The following MBD3L1 variants were observed in gnomAD, a reference collection of about 807,000 sequenced individuals.
The protein encoded by MBD3L1 is methyl-CpG binding domain protein 3 like 1.
For synonymous variants in MBD3L1, 84 were observed against 85.1 expected (o/e 0.99, Z 0.07); for missense variants, 203 against 230.1 (o/e 0.88, Z 0.76).
chr19:8,842,456 G>A (rs1292678255), intron 2 of MBD3L1: 1 of 525,872 alleles, frequency 1.9e-6, no homozygotes, highest in Non-Finnish European at 3.4e-6. Flanking sequence ...CAAGGAGGGG[G>A]TTTGCAGGAT....
At chr19:8,836,427 T>C (rs1158599096) in intron 1 of MBD3L1, among the ~76,000 whole-genome samples, 1 of 151,132 alleles carries the variant, frequency 6.6e-6, no homozygotes, top group Non-Finnish European at 1.5e-5. Context: ...TCTTTCTTCT[T>C]TCCTCCTCCT....
intron 2 of MBD3L1, among the ~76,000 whole-genome samples, chr19:8,841,281 C>T (rs1353562940): frequency 6.6e-6 from 1 of 151,790 alleles, no homozygotes; most frequent in Non-Finnish European, 1.5e-5. Context: ...ATCCACCCAC[C>T]TCGGCCTCCC....
At chr19:8,834,799 T>A (rs1381944996) in intron 1 of MBD3L1, among the ~76,000 whole-genome samples, 1 of 152,116 alleles carries the variant, frequency 6.6e-6, no homozygotes, top group Non-Finnish European at 1.5e-5. Context: ...TGTCAAACTT[T>A]GTGATCTTGG....
chr19:8,841,237 G>A (rs2044509655), intron 2 of MBD3L1, among the ~76,000 whole-genome samples: 1 of 147,682 alleles, frequency 6.8e-6, no homozygotes, highest in Non-Finnish European at 1.5e-5. Flanking sequence ...TCACCATGTT[G>A]GCCAGCCTGG....
rs542318207 is a variant in MBD3L1, at chr19:8,838,252, C to CAAAAAAAAAAAAA, written c.-106-2644_-106-2632dup. Among the ~76,000 whole-genome samples, 113 of 11,830 alleles carry CAAAAAAAAAAAAA rather than the reference C, an allele frequency of 9.6e-3. 44 individuals are homozygous for CAAAAAAAAAAAAA. The highest frequency in any genetic ancestry group is 0.016 in the Non-Finnish European group (90 of 5,804). 7.8% of individuals were successfully genotyped at this position (11,830 alleles called of 152,430 possible). ...TGGACGACAGAGCAAGACTCCATCT[C>CAAAAAAAAAAAAA]AAAAAAAAAAAAAAAAAAAAAAAAA... On this transcript the variant is annotated intron_variant, in intron 1 of 2. Coordinates refer to ENST00000595891, the MANE Select transcript of MBD3L1 (RefSeq NM_001393532.1).
chr19:8,832,746 C>T (rs2044393140), intron 1 of MBD3L1, among the ~76,000 whole-genome samples: 2 of 150,476 alleles, frequency 1.3e-5, no homozygotes, highest in African/African-American at 4.9e-5. Flanking sequence ...GCTTCTAGAG[C>T]GGGGATGACT....
chr19:8,832,681 A>G (rs970215365), intron 1 of MBD3L1, among the ~76,000 whole-genome samples, 159 bp downstream of exon 1: 6 of 150,186 alleles, frequency 4.0e-5, no homozygotes, highest in Non-Finnish European at 8.9e-5. Flanking sequence ...GGCAGAGACC[A>G]GTTCCAGGGT....
At chr19:8,834,075 G>C (rs184487090) in intron 1 of MBD3L1, among the ~76,000 whole-genome samples, 78 of 152,170 alleles carry the variant, frequency 5.1e-4, no homozygotes, top group Non-Finnish European at 8.2e-4. Flanking sequence ...GTAAGAGAGT[G>C]GTAACATTTA....
At chr19:8,838,652 C>T (rs1301813615) in intron 1 of MBD3L1, among the ~76,000 whole-genome samples, 3 of 152,262 alleles carry the variant, frequency 2.0e-5, no homozygotes, top group Non-Finnish European at 4.4e-5. Flanking sequence ...ATTATTGAGA[C>T]GTTTTAGGTG....
intron 2 of MBD3L1, among the ~76,000 whole-genome samples, chr19:8,841,409 A>G (rs770237370): frequency 6.6e-6 from 1 of 152,132 alleles, no homozygotes; most frequent in Non-Finnish European, 1.5e-5. Flanking sequence ...GAAGGTGAAG[A>G]TACGGAGGTC....
intron 1 of MBD3L1, among the ~76,000 whole-genome samples, chr19:8,839,872 AT>A (rs2044493354): frequency 1.3e-5 from 2 of 152,266 alleles, no homozygotes; most frequent in South Asian, 4.1e-4. Context: ...ACATGTTTAA[AT>A]GCCGAAGAAG....
intron 1 of MBD3L1, 63 bp from the exon 2 acceptor site, chr19:8,840,852 G>A (rs1249921040): frequency 6.6e-6 from 1 of 152,060 alleles, no homozygotes; most frequent in African/African-American, 2.4e-5. Context: ...CCCAGTTGAT[G>A]GAGAATATTT....
At position 8,842,721 on chromosome 19, in the gene MBD3L1, C is replaced by T; in HGVS notation, c.43C>T (p.Gln15Ter). 1 of 1,614,138 alleles carries T rather than the reference C, an allele frequency of 6.2e-7. No individual in the cohort carries two copies. Among genetic ancestry groups the T allele is most frequent in the African/African-American group, 1.3e-5 (1 of 75,032 alleles). Residue 15 changes from glutamine (Q) to a stop codon, truncating the protein, a stop_gained, in exon 3 of 3, where the codon CAA (glutamine) becomes TAA (stop). Transcript: ENST00000595891. LOFTEE classifies it low-confidence loss of function (END_TRUNC). Reference sequence around the variant, plus strand: ...GAGGAAGCAACGTGACTGTGTAAACCAATGCAAATCAAAGCCTGGCTTGAG... The same window carrying T: ...GAGGAAGCAACGTGACTGTGTAAACTAATGCAAATCAAAGCCTGGCTTGAG... ...SQRKQRDCVN[Q>*]CKSKPGLSTS...
intron 1 of MBD3L1, among the ~76,000 whole-genome samples, chr19:8,839,361 T>C (rs2044488378): frequency 6.6e-6 from 1 of 151,910 alleles, no homozygotes; most frequent in Admixed American, 6.6e-5. Flanking sequence ...ATTAATATTA[T>C]GGCTAATATT....
At chr19:8,838,819 T>C (rs1369614330) in intron 1 of MBD3L1, among the ~76,000 whole-genome samples, 4 of 152,034 alleles carry the variant, frequency 2.6e-5, no homozygotes, top group Non-Finnish European at 5.9e-5. Context: ...AGGCAGAGGT[T>C]GGAGGGGATT....
rs1436717212 is a variant in MBD3L1, at chr19:8,842,836, A to G, written c.158A>G (p.His53Arg). Reference sequence around the variant, plus strand: ...CATCCTGGCAATGAGGTCAGATACCATCAATGGGAGGAGAGCTTGGAGAAG... The same window carrying G: ...CATCCTGGCAATGAGGTCAGATACCGTCAATGGGAGGAGAGCTTGGAGAAG... ...TPHPGNEVRY[H>R]QWEESLEKPQ... The change falls in exon 3 of 3, where the codon CAT (histidine) becomes CGT (arginine). Residue 53 changes from histidine (H) to arginine (R), a missense_variant. By Grantham distance (29) the His-to-Arg change is conservative (BLOSUM62 0). Coordinates refer to ENST00000595891, the MANE Select transcript of MBD3L1 (RefSeq NM_001393532.1). 1 of 1,614,242 alleles carries G rather than the reference A, an allele frequency of 6.2e-7. No homozygotes were observed. The highest frequency in any genetic ancestry group is 8.5e-7 in the Non-Finnish European group (1 of 1,180,050).
intron 2 of MBD3L1, 115 bp from the exon 3 acceptor site, chr19:8,842,543 A>T: frequency 1.4e-6 from 1 of 732,288 alleles, no homozygotes; most frequent in Non-Finnish European, 2.2e-6. Flanking sequence ...AGCAGGTCAG[A>T]CCTATCCCCA....
At chr19:8,832,897 C>T (rs1157878137) in intron 1 of MBD3L1, among the ~76,000 whole-genome samples, 1 of 151,044 alleles carries the variant, frequency 6.6e-6, no homozygotes, top group African/African-American at 2.4e-5. Context: ...AGGGCGGGGA[C>T]TAGGCTGTGG....
At position 8,842,843 on chromosome 19, in the gene MBD3L1, G is replaced by C. The variant is rs758057093; in HGVS notation, c.165G>C (p.Trp55Cys). The C allele has an allele frequency of 4.7e-5, 76 of 1,614,084 alleles. No homozygotes were observed. The highest frequency in any genetic ancestry group is 6.3e-5 in the Non-Finnish European group (74 of 1,180,048). The change falls in exon 3 of 3, where the codon TGG becomes TGC. Residue 55 changes from tryptophan (W) to cysteine (C), a missense_variant. Physicochemically the swap from Trp to Cys is radical, Grantham distance 215. Coordinates refer to ENST00000595891, the MANE Select transcript of MBD3L1 (RefSeq NM_001393532.1). ...HPGNEVRYHQ[W>C]EESLEKPQQV... Reference sequence around the variant, plus strand: ...GCAATGAGGTCAGATACCATCAATGGGAGGAGAGCTTGGAGAAGCCTCAGC... The same window carrying C: ...GCAATGAGGTCAGATACCATCAATGCGAGGAGAGCTTGGAGAAGCCTCAGC...
Sources: gnomAD v4.1 joint callset for allele counts (sites outside exome capture counted in the v4.1 genomes callset) on GRCh38, gnomAD v4.1.1 for gene constraint, MANE v1.5 for transcripts, NCBI Gene and HGNC (gene_info 2026-07-23, HGNC 2026-07-21) for gene names.